SLK: variants seen among roughly 807,000 people sequenced by gnomAD.
SLK encodes STE20-like serine/threonine-protein kinase.
SLK carries 67 observed loss-of-function variants against 147.7 expected under a neutral mutation model. That is an observed-to-expected ratio of 0.45 (90% CI 0.37 to 0.56). SLK has a LOEUF of 0.56. Among genes scored for constraint, SLK ranks in the 20% least tolerant of loss-of-function variants. The pLI is 0.00. For missense variants in SLK, 1,136 were observed against 1,438.8 expected (o/e 0.79, Z 3.41); for synonymous variants, 441 against 475.0 (o/e 0.93, Z 0.93).
At position 104,001,542 on chromosome 10, in the gene SLK, A is replaced by T. The variant is rs761802689; in HGVS notation, c.963A>T (p.Glu321Asp). Reference sequence around the variant, plus strand: ...AAGAAGTTGAAGATGGCAAAGAGGAAGATGAAGAGGAGGAAACAGAAAATT... The same window carrying T: ...AAGAAGTTGAAGATGGCAAAGAGGATGATGAAGAGGAGGAAACAGAAAATT... ...VTEEVEDGKE[E>D]DEEEETENSL... The change falls in exon 8 of 19, where the codon GAA becomes GAT. Residue 321 changes from glutamate (E) to aspartate (D), a missense_variant. Glu to Asp is a conservative substitution (Grantham distance 45). Transcript: ENST00000369755. The T allele has an allele frequency of 6.2e-7, 1 of 1,613,578 alleles. No homozygotes were observed. The highest frequency in any genetic ancestry group is 1.7e-5 in the Admixed American group (1 of 60,002).
At chr10:103,980,867 T>G (rs187016754) in intron 1 of SLK, among the ~76,000 whole-genome samples, 17 of 152,250 alleles carry the variant, frequency 1.1e-4, no homozygotes, top group African/African-American at 3.6e-4. Context: ...CTGGATCTTG[T>G]AGGAATCTAT....
intron 9 of SLK, 71 bp downstream of exon 9, chr10:104,003,598 A>G: frequency 2.4e-6 from 3 of 1,266,734 alleles, no homozygotes; most frequent in Non-Finnish European, 3.3e-6. Flanking sequence ...TGTGAAATTG[A>G]TGTCTTGAAA....
Position 103,977,882 on chromosome 10 carries a change from G to A in SLK, c.150+9987G>A, listed in dbSNP as rs575807040. 2.4e-4 allele frequency among the ~76,000 whole-genome samples: 36 copies of A among 152,156 alleles called. No homozygotes were observed. The South Asian group carries it at 7.3e-3, about 31-fold the overall frequency. On this transcript the variant is annotated intron_variant, in intron 1 of 18. Coordinates refer to ENST00000369755, the MANE Select transcript of SLK (RefSeq NM_014720.4). ...TTCAATCCTATAAAAATGTTGATAT[G>A]TAAAAAAAGTTGTATAGAGAACATA... is the stretch of plus-strand genomic sequence containing the variant.
rs191587477 is a variant in SLK at position 103,984,559 on chromosome 10, G to A, written c.151-6116G>A. 1.9e-3 allele frequency among the ~76,000 whole-genome samples: 290 copies of A among 152,148 alleles called. No homozygotes were observed. In the Middle Eastern group the frequency reaches 0.027, roughly 14 times the overall value. On this transcript the variant is annotated intron_variant, in intron 1 of 18. Transcript: ENST00000369755. ...CTCCTGAGTAGCTGGGATTACAGGC[G>A]TGCACCACCACACCGTGCTAATTTT... is the stretch of plus-strand genomic sequence containing the variant.
At chr10:104,025,219 TTAA>T (rs1280137409) in intron 18 of SLK, among the ~76,000 whole-genome samples, 2 of 152,134 alleles carry the variant, frequency 1.3e-5, no homozygotes, top group Non-Finnish European at 2.9e-5. Flanking sequence ...CACATAATAG[TTAA>T]TAATAGGTAC....
chr10:103,990,619 A>C, intron 1 of SLK, 56 bp from the exon 2 acceptor site: 2 of 1,041,540 alleles, frequency 1.9e-6, no homozygotes, highest in Non-Finnish European at 2.7e-6. Context: ...TAAAATAATA[A>C]AAAATTAGAA....
At chr10:104,022,016 G>A (rs958440187) in intron 18 of SLK, among the ~76,000 whole-genome samples, 1 of 152,176 alleles carries the variant, frequency 6.6e-6, no homozygotes, top group Non-Finnish European at 1.5e-5. Flanking sequence ...GTCAGGGAGG[G>A]TCTTCAAGAG....
intron 1 of SLK, among the ~76,000 whole-genome samples, chr10:103,990,170 G>A (rs185862776): frequency 6.6e-6 from 1 of 152,340 alleles, no homozygotes; most frequent in East Asian, 1.9e-4. Flanking sequence ...ATCAGTGGTT[G>A]CCAGGGGTTG....
chr10:103,969,734 G>A (rs1453813236), intron 1 of SLK, among the ~76,000 whole-genome samples: 5 of 152,276 alleles, frequency 3.3e-5, no homozygotes, highest in African/African-American at 1.2e-4. Flanking sequence ...GTGTTTTAGT[G>A]CTGGCTGTCA....
At chr10:104,015,003 T>C (rs1253045550) in intron 13 of SLK, among the ~76,000 whole-genome samples, 1 of 152,162 alleles carries the variant, frequency 6.6e-6, no homozygotes, top group Non-Finnish European at 1.5e-5. Context: ...GTGAATGTTA[T>C]TGTATTTGGC....
At chr10:103,971,031 T>G (rs1002319036) in intron 1 of SLK, among the ~76,000 whole-genome samples, 29 of 152,210 alleles carry the variant, frequency 1.9e-4, no homozygotes, top group African/African-American at 6.8e-4. Flanking sequence ...ATGTGTAACC[T>G]ATAGGTAATC....
chr10:104,019,084 A>C (rs1589547050), intron 15 of SLK, 176 bp downstream of exon 15: 2 of 542,196 alleles, frequency 3.7e-6, no homozygotes, highest in East Asian at 7.2e-5. Flanking sequence ...ATGATTGCAA[A>C]CTTCTTTTCT....
At chr10:103,993,624 G>C (rs539442944) in intron 4 of SLK, among the ~76,000 whole-genome samples, 2 of 152,072 alleles carry the variant, frequency 1.3e-5, no homozygotes, top group African/African-American at 4.8e-5. Flanking sequence ...ATACCTAAAC[G>C]TAAGGACTAG....
intron 13 of SLK, among the ~76,000 whole-genome samples, chr10:104,014,994 T>C (rs1180223809): frequency 6.6e-6 from 1 of 152,194 alleles, no homozygotes; most frequent in Admixed American, 6.5e-5. Flanking sequence ...AAATTCCATG[T>C]GAATGTTATT....
chr10:103,976,959 C>T (rs958698388), intron 1 of SLK, among the ~76,000 whole-genome samples: 13 of 152,122 alleles, frequency 8.5e-5, no homozygotes, highest in Non-Finnish European at 1.3e-4. Context: ...GAGGGCTGTC[C>T]TATGCACTGT....
Position 104,002,951 on chromosome 10 carries a change from T to G in SLK, c.1773T>G (p.Gly591=). The change falls in exon 9 of 19, where the codon GGT becomes GGG. Residue 591 remains glycine (G), a synonymous_variant. Transcript: ENST00000369755. ...GQKLINKPMV[G]PEAGGTKEVP... is the part of the protein sequence containing the mutation. ...AATTAATTAATAAGCCCATGGTGGG[T>G]CCTGAGGCTGGTGGTACTAAGGAAG... 1 of 1,613,910 alleles carries G rather than the reference T, an allele frequency of 6.2e-7. No individual in the cohort carries two copies. The highest frequency in any genetic ancestry group is 8.5e-7 in the Non-Finnish European group (1 of 1,179,870).
chr10:103,973,486 C>T (rs994729065), intron 1 of SLK, among the ~76,000 whole-genome samples: 4 of 152,174 alleles, frequency 2.6e-5, no homozygotes, highest in African/African-American at 7.2e-5. Context: ...CTTCTATGTA[C>T]ATTTTCCAGT....
At chr10:103,972,671 C>CAA (rs140628724) in intron 1 of SLK, among the ~76,000 whole-genome samples, 3,125 of 144,314 alleles carry the variant, frequency 0.022, 111 homozygotes, top group African/African-American at 0.071. Context: ...GACTCCGTCT[C>CAA]AAAAAAAAAA....
chr10:104,019,630 G>C, intron 15 of SLK, 104 bp from the exon 16 acceptor site: 1 of 901,984 alleles, frequency 1.1e-6, no homozygotes, highest in Non-Finnish European at 1.8e-6. Flanking sequence ...ACAAGGGAGA[G>C]GGTAATTATA....
Sources: allele counts gnomAD v4.1 joint callset (sites outside exome capture counted in the v4.1 genomes callset), GRCh38; gene constraint gnomAD v4.1.1; transcripts MANE v1.5; gene names NCBI Gene and HGNC (gene_info 2026-07-23, HGNC 2026-07-21).